BCL7B: variants seen among roughly 807,000 people sequenced by gnomAD.
BCL7B encodes the protein B-cell CLL/lymphoma 7 protein family member B.
A neutral mutation model predicts 26.5 loss-of-function variants in BCL7B; 11 were observed. The ratio of observed to expected loss-of-function variants is 0.42; its 90% confidence interval spans 0.26 to 0.69. The LOEUF (loss-of-function observed/expected upper bound fraction) is 0.69. Among genes scored for constraint, BCL7B ranks in the 30% least tolerant of loss-of-function variants. The pLI is 0.28. For synonymous variants in BCL7B, 111 were observed against 107.9 expected, an observed-to-expected ratio of 1.03 and a Z score of -0.18; for missense variants, 215 against 264.4, an observed-to-expected ratio of 0.81 and a Z score of 1.30.
rs1444612618 is a variant in BCL7B at position 73,546,246 on chromosome 7, C to T, written c.169-2602G>A. On this transcript the variant is annotated intron_variant, in intron 2 of 5. Coordinates refer to ENST00000223368, the MANE Select transcript of BCL7B (RefSeq NM_001707.4). ...CCCAAGGGAATAAAAGGTGAGTGCA[C>T]GCATAAAACTCACCAGAGATTGGAG... Among the ~76,000 whole-genome samples, 7 of 151,890 alleles carry T rather than the reference C, an allele frequency of 4.6e-5. No individual in the cohort carries two copies. The South Asian group carries it at 1.0e-3, about 23-fold the overall frequency.
intron 2 of BCL7B, among the ~76,000 whole-genome samples, chr7:73,548,104 CCT>C (rs1317791405): frequency 2.6e-5 from 4 of 151,624 alleles, no homozygotes; most frequent in African/African-American, 4.9e-5. Flanking sequence ...AGAGTGACAC[CCT>C]GTCTCAAAAA....
rs1326872878 is a variant in BCL7B, at chr7:73,557,256, G to A, written c.92+231C>T. The A allele has an allele frequency of 1.6e-5, 18 of 1,114,564 alleles. No individual in the cohort carries two copies. The East Asian group carries it at 2.4e-4, about 15-fold the overall frequency. The allele number at this position is 1,114,564 out of a possible 1,614,324, so 69.0% of individuals were successfully genotyped here. ...CGGAATCCCCTCCCAGGCGGCGCGC[G>A]GCAGCAGCCGCAGCAGGTGGGCGGG... On this transcript the variant is annotated intron_variant, in intron 1 of 5. Coordinates refer to ENST00000223368, the MANE Select transcript of BCL7B (RefSeq NM_001707.4).
chr7:73,538,283 C>G, intron 4 of BCL7B: 1 of 323,102 alleles, frequency 3.1e-6, no homozygotes, highest in Non-Finnish European at 5.6e-6. Context: ...CTAGCCCAAA[C>G]ATCACAACTC....
chr7:73,557,627 G>T lies in BCL7B; in HGVS notation c.-49C>A. ...CCGGGGCACTGCTCCCAAGACACCGGGGATCGCGCGCCTCACGCGCCGCCG... is the reference window on the plus strand; with the variant it reads ...CCGGGGCACTGCTCCCAAGACACCGTGGATCGCGCGCCTCACGCGCCGCCG... On this transcript the variant is annotated 5_prime_UTR_variant, in exon 1 of 6. Coordinates refer to ENST00000223368, the MANE Select transcript of BCL7B (RefSeq NM_001707.4). 1.8e-6 allele frequency: 2 copies of T among 1,114,500 alleles called. No individual in the cohort carries two copies. The highest frequency in any genetic ancestry group is 1.1e-6 in the Non-Finnish European group (1 of 893,660). The allele number at this position is 1,114,500 out of a possible 1,614,324, so 69.0% of individuals were successfully genotyped here.
At chr7:73,554,701 G>A (rs782270516) in intron 1 of BCL7B, among the ~76,000 whole-genome samples, 3 of 151,752 alleles carry the variant, frequency 2.0e-5, no homozygotes, top group Non-Finnish European at 4.4e-5. Flanking sequence ...AGGAGGCTGA[G>A]GCGGAAGAAC....
intron 2 of BCL7B, 130 bp downstream of exon 2, chr7:73,552,037 G>A (rs1792192473): frequency 4.4e-6 from 3 of 677,570 alleles, no homozygotes; most frequent in Non-Finnish European, 7.4e-6. Context: ...AGGTTGCAGT[G>A]AGCCAAGATC....
intron 3 of BCL7B, among the ~76,000 whole-genome samples, chr7:73,542,033 C>T (rs1191640372): frequency 1.3e-5 from 2 of 152,208 alleles, no homozygotes; most frequent in African/African-American, 2.4e-5. Context: ...CTCCCTGGCT[C>T]GCATAGGTGG....
chr7:73,557,346 C>T (rs1239990067), intron 1 of BCL7B, 141 bp downstream of exon 1: 5 of 1,180,976 alleles, frequency 4.2e-6, no homozygotes, highest in Non-Finnish European at 5.3e-6. Context: ...ACGCCGACGC[C>T]AGCGGCGCCC....
rs534849362 is a variant in BCL7B, at chr7:73,537,230, C to T, written c.*68G>A. On this transcript the variant is annotated 3_prime_UTR_variant, in exon 6 of 6. Transcript: ENST00000223368. Reference sequence around the variant, plus strand: ...CCAGTGCTTGCCCTTACCCCAGCAACGCGGCGCGGCCAGAACCAGAATGCA... The same window carrying T: ...CCAGTGCTTGCCCTTACCCCAGCAATGCGGCGCGGCCAGAACCAGAATGCA... The T allele has an allele frequency of 5.6e-5, 85 of 1,518,190 alleles. No individual in the cohort carries two copies. In the Middle Eastern group the frequency reaches 8.2e-4, roughly 15 times the overall value. 94.0% of individuals were successfully genotyped at this position (1,518,190 alleles called of 1,614,324 possible).
At chr7:73,542,384 G>T (rs906917429) in intron 3 of BCL7B, among the ~76,000 whole-genome samples, 2 of 152,154 alleles carry the variant, frequency 1.3e-5, no homozygotes, top group Non-Finnish European at 2.9e-5. Context: ...TACACGCTGG[G>T]TTAGCTCCAA....
At chr7:73,555,132 A>G (rs1318454994) in intron 1 of BCL7B, among the ~76,000 whole-genome samples, 1 of 152,174 alleles carries the variant, frequency 6.6e-6, no homozygotes, top group East Asian at 1.9e-4. Context: ...GAGGCCAGGC[A>G]CAGTGGCTCA....
chr7:73,545,517 C>T (rs1269692353), intron 2 of BCL7B, among the ~76,000 whole-genome samples: 9 of 152,230 alleles, frequency 5.9e-5, no homozygotes, highest in South Asian at 4.1e-4. Flanking sequence ...CCATCGCACT[C>T]GGCCAAGGAA....
At chr7:73,557,360 T>C in intron 1 of BCL7B, 127 bp downstream of exon 1, 3 of 1,175,532 alleles carry the variant, frequency 2.6e-6, no homozygotes, top group Non-Finnish European at 3.2e-6. Context: ...GGCGCCCTCC[T>C]CCCGCCTTCT....
intron 2 of BCL7B, among the ~76,000 whole-genome samples, chr7:73,547,066 C>T (rs1554583558): frequency 6.6e-6 from 1 of 152,170 alleles, no homozygotes; most frequent in African/African-American, 2.4e-5. Context: ...GCAGAAGAAT[C>T]ACTTGAACCT....
At chr7:73,551,743 A>AGG (rs1792180176) in intron 2 of BCL7B, among the ~76,000 whole-genome samples, 1 of 152,222 alleles carries the variant, frequency 6.6e-6, no homozygotes, top group African/African-American at 2.4e-5. Context: ...GCATGGACCA[A>AGG]TAACAGGGTA....
intron 5 of BCL7B, 112 bp from the exon 6 acceptor site, chr7:73,537,502 A>G: frequency 1.3e-6 from 1 of 767,750 alleles, no homozygotes; most frequent in Non-Finnish European, 2.2e-6. Flanking sequence ...AGATGATCAA[A>G]CATCCTCCCC....
chr7:73,540,829 C>CAAAAAAAAAAAAAAAAAAAA (rs56111929), intron 3 of BCL7B, among the ~76,000 whole-genome samples: 1 of 50,942 alleles, frequency 2.0e-5, no homozygotes, highest in African/African-American at 8.1e-5. Context: ...GACTCTGTCT[C>CAAAAAAAAAAAAAAAAAAAA]AAAAAAAAAA....
intron 1 of BCL7B, chr7:73,556,937 C>G: frequency 4.0e-6 from 4 of 990,006 alleles, no homozygotes; most frequent in Non-Finnish European, 4.8e-6. Flanking sequence ...AAATGCCTAC[C>G]AAGCTCGCGG....
intron 3 of BCL7B, chr7:73,542,933 G>A (rs782677686): frequency 1.2e-5 from 5 of 421,020 alleles, no homozygotes; most frequent in Non-Finnish European, 2.4e-5. Flanking sequence ...AATAAAAAAT[G>A]AAGTACAATC....
Sources: gnomAD v4.1 joint callset for allele counts (sites outside exome capture counted in the v4.1 genomes callset) on GRCh38, gnomAD v4.1.1 for gene constraint, MANE v1.5 for transcripts, NCBI Gene and HGNC (gene_info 2026-07-23, HGNC 2026-07-21) for gene names.